The following WDR27 variants were observed in gnomAD, a reference collection of about 807,000 sequenced individuals.
WDR27 encodes the protein WD repeat domain 27, also known as WD repeat-containing protein 27.
A neutral mutation model predicts 114.4 loss-of-function variants in WDR27; 100 were observed. The ratio of observed to expected loss-of-function variants is 0.87; its 90% CI spans 0.74 to 1.03. The LOEUF (loss-of-function observed/expected upper bound fraction) is 1.03, where lower values mean the gene tolerates loss of function less well. Ranked by LOEUF, WDR27 falls within the 50% of genes least tolerant of loss-of-function variation. WDR27 has a pLI of 0.00. For synonymous variants in WDR27, 449 were observed against 423.1 expected, an observed-to-expected ratio of 1.06 and a Z score of -0.75; for missense variants, 1,129 against 1,092.9, an observed-to-expected ratio of 1.03 and a Z score of -0.47.
intron 23 of WDR27, among the ~76,000 whole-genome samples, chr6:169,601,531 T>C (rs1807977010): frequency 6.6e-6 from 1 of 152,308 alleles, no homozygotes; most frequent in African/African-American, 2.4e-5. Flanking sequence ...TGTTTTTTGT[T>C]TCCAAAGTCA....
At position 169,688,971 on chromosome 6, in the gene WDR27, C is replaced by T; in HGVS notation, c.35G>A (p.Gly12Asp). ...ENPQDIFSSN[G>D]GCLSDIVIEK... ...TATAACTATATCACTTAGACAGCCA[C>T]CATTACTTGAGAAAATGTCTTGGGG... Residue 12 changes from glycine to aspartate, a missense_variant, in exon 2 of 26, where the codon GGT (glycine) becomes GAT (aspartate). Gly to Asp is a moderately conservative substitution (Grantham distance 94). Coordinates refer to ENST00000448612, the MANE Select transcript of WDR27 (RefSeq NM_182552.5). 2.5e-6 allele frequency: 4 copies of T among 1,612,140 alleles called. No individual in the cohort carries two copies. Among genetic ancestry groups the T allele is most frequent in the Non-Finnish European group, 3.4e-6 (4 of 1,179,382 alleles).
intron 21 of WDR27, among the ~76,000 whole-genome samples, chr6:169,628,154 G>T (rs1815344424): frequency 6.6e-6 from 1 of 152,044 alleles, no homozygotes; most frequent in African/African-American, 2.4e-5. Context: ...CCCTTATGAG[G>T]GAGGTTTCAA....
At chr6:169,607,419 CACACATATAAT>C (rs772747010) in intron 22 of WDR27, among the ~76,000 whole-genome samples, 2,435 of 39,822 alleles carry the variant, frequency 0.061, 27 homozygotes, top group Non-Finnish European at 0.12. Context: ...CACACACACA[CACACATATAAT>C]ATAATATTAT....
At position 169,457,646 on chromosome 6, in the gene WDR27, A is replaced by G. The variant is rs1193244182; in HGVS notation, c.2646-12T>C. ...GTAGCTGTGGCAAGCTGTAATTGAAAATAAAATACCATGTAATTCCAATCG... is the reference window on the plus strand; with the variant it reads ...GTAGCTGTGGCAAGCTGTAATTGAAGATAAAATACCATGTAATTCCAATCG... On this transcript the variant is annotated splice_polypyrimidine_tract_variant and intron_variant, in intron 25 of 25. Coordinates refer to ENST00000448612, the MANE Select transcript of WDR27 (RefSeq NM_182552.5). 1 of 1,548,922 alleles carries G rather than the reference A, an allele frequency of 6.5e-7. No homozygotes were observed.
rs371864856 is a variant in WDR27, at chr6:169,511,937, T to C, written c.2646-54303A>G. On this transcript the variant is annotated intron_variant, in intron 25 of 25. Coordinates refer to ENST00000448612, the MANE Select transcript of WDR27 (RefSeq NM_182552.5). ...GTGGAGTCTTTATAAAATGTAATGA[T>C]TGGGGAAGCAAGGGTCTCAGTAAGG... Among the ~76,000 whole-genome samples, 20 of 152,154 alleles carry C rather than the reference T, an allele frequency of 1.3e-4. No individual in the cohort carries two copies. In the South Asian group the frequency reaches 2.5e-3, roughly 19 times the overall value.
intron 25 of WDR27, among the ~76,000 whole-genome samples, chr6:169,467,026 C>T (rs1332612947): frequency 6.6e-6 from 1 of 152,162 alleles, no homozygotes; most frequent in Admixed American, 6.5e-5. Context: ...AACAAAGGGG[C>T]TACAGGTCCC....
At chr6:169,446,243 G>A in the WDR27 span, among the ~76,000 whole-genome samples, 1 of 152,208 alleles carries the variant, frequency 6.6e-6, no homozygotes, top group Non-Finnish European at 1.5e-5. Flanking sequence ...AGCCTGTTGA[G>A]GGTGGCATGT....
intron 25 of WDR27, among the ~76,000 whole-genome samples, chr6:169,480,786 A>T (rs1402512252): frequency 6.6e-6 from 1 of 151,864 alleles, no homozygotes; most frequent in African/African-American, 2.4e-5. Flanking sequence ...TAGCTAAAGG[A>T]TTGTAAATGC....
In WDR27 at chr6:169,681,465, A is replaced by G. The variant is rs77973323; in HGVS notation, c.189+7352T>C. On this transcript the variant is annotated intron_variant, in intron 2 of 25. Coordinates refer to ENST00000448612, the MANE Select transcript of WDR27 (RefSeq NM_182552.5). ...ATTTTGAGAGTTGAGACCCACACCTAGGTGGCTGATTCACTAAGCGTGCTC... is the reference window on the plus strand; with the variant it reads ...ATTTTGAGAGTTGAGACCCACACCTGGGTGGCTGATTCACTAAGCGTGCTC... 2.6e-5 allele frequency among the ~76,000 whole-genome samples: 4 copies of G among 152,376 alleles called. No individual in the cohort carries two copies. The East Asian group carries it at 7.7e-4, about 29-fold the overall frequency.
intron 24 of WDR27, among the ~76,000 whole-genome samples, chr6:169,576,628 G>A (rs766439310): frequency 3.3e-5 from 5 of 151,890 alleles, no homozygotes; most frequent in Admixed American, 6.6e-5. Context: ...TGAGCCAGGT[G>A]GGGTGGTGCA....
At chr6:169,521,547 T>C (rs373272990) in intron 25 of WDR27, among the ~76,000 whole-genome samples, 28 of 152,050 alleles carry the variant, frequency 1.8e-4, no homozygotes, top group African/African-American at 3.6e-4. Context: ...CTCATAACAA[T>C]AGTATGAAGC....
chr6:169,670,854 G>A (rs1778548390), intron 3 of WDR27, 161 bp from the exon 4 acceptor site: 3 of 1,000,338 alleles, frequency 3.0e-6, no homozygotes, highest in Middle Eastern at 2.7e-4. Context: ...CAAAAATACT[G>A]GATATACAGA....
chr6:169,635,682 A>G (rs967727914), intron 19 of WDR27, among the ~76,000 whole-genome samples: 4 of 152,248 alleles, frequency 2.6e-5, no homozygotes, highest in African/African-American at 9.6e-5. Context: ...AAGCAGGCAG[A>G]TGCAGTGCCC....
intron 25 of WDR27, among the ~76,000 whole-genome samples, chr6:169,540,337 T>A (rs1474967531): frequency 6.6e-6 from 1 of 152,120 alleles, no homozygotes; most frequent in Non-Finnish European, 1.5e-5. Flanking sequence ...TTTGTTTTCT[T>A]AAACTTATTT....
intron 25 of WDR27, among the ~76,000 whole-genome samples, chr6:169,522,172 CAA>C (rs1329692175): frequency 1.3e-5 from 2 of 151,902 alleles, no homozygotes; most frequent in Non-Finnish European, 2.9e-5. Context: ...CAAAAAAGGT[CAA>C]GAGTAGCTAT....
intron 25 of WDR27, among the ~76,000 whole-genome samples, chr6:169,553,234 G>GC: frequency 6.6e-6 from 1 of 152,182 alleles, no homozygotes; most frequent in Non-Finnish European, 1.5e-5. Flanking sequence ...TCCCGATGTG[G>GC]CCCCTGCTCT....
chr6:169,579,382 T>A (rs1309901960), intron 24 of WDR27, among the ~76,000 whole-genome samples: 1 of 151,880 alleles, frequency 6.6e-6, no homozygotes, highest in African/African-American at 2.4e-5. Context: ...TTATAGAGAG[T>A]GAGAAAGAAC....
At chr6:169,630,404 C>T (rs1002566449) in intron 21 of WDR27, among the ~76,000 whole-genome samples, 8 of 152,264 alleles carry the variant, frequency 5.3e-5, no homozygotes, top group Middle Eastern at 3.4e-3. Flanking sequence ...GTTCCAGGTA[C>T]GACCAAGATC....
intron 13 of WDR27, among the ~76,000 whole-genome samples, chr6:169,655,723 T>C (rs140926490): frequency 2.8e-4 from 42 of 152,196 alleles, no homozygotes; most frequent in African/African-American, 9.9e-4. Flanking sequence ...AGAGTTTTTT[T>C]TGTTTTTATT....
Sources: gnomAD v4.1 joint callset for allele counts (sites outside exome capture counted in the v4.1 genomes callset) on GRCh38, gnomAD v4.1.1 for gene constraint, MANE v1.5 for transcripts, NCBI Gene and HGNC (gene_info 2026-07-23, HGNC 2026-07-21) for gene names.